Variants in TSPO observed in about 807,000 individuals in gnomAD.
TSPO encodes the protein translocator protein, also known as benzodiazepine peripheral binding site.
TSPO carries 14 observed loss-of-function variants against 13.9 expected under a neutral mutation model. That is an observed-to-expected ratio of 1.01 (90% CI 0.67 to 1.58). The LOEUF (loss-of-function observed/expected upper bound fraction) is 1.58. Ranked by LOEUF, TSPO falls within the 40% of genes most tolerant of loss-of-function variation. The pLI is 0.00. For synonymous variants in TSPO, 114 were observed against 105.9 expected (o/e 1.08, Z -0.47); for missense variants, 232 against 229.6 (o/e 1.01, Z -0.07).
chr22:43,156,924 C>A (rs2147053304), intron 1 of TSPO, among the ~76,000 whole-genome samples: 1 of 152,270 alleles, frequency 6.6e-6, no homozygotes, highest in East Asian at 1.9e-4. Context: ...CGTACAGGCA[C>A]CCTGGTCCGG....
chr22:43,163,022 C>A lies in TSPO; in HGVS notation c.*31C>A, dbSNP rs756525698. The A allele has an allele frequency of 1.3e-6, 2 of 1,574,822 alleles. No homozygotes were observed. Among genetic ancestry groups the A allele is most frequent in the East Asian group, 4.7e-5 (2 of 42,648 alleles). ...CGGCCCACCAGGGACTGCAGCTGCA[C>A]CAGCAGGTGCCATCACGCTTGTGAT... On this transcript the variant is annotated 3_prime_UTR_variant, in exon 4 of 4. Coordinates refer to ENST00000337554, the MANE Select transcript of TSPO (RefSeq NM_000714.6).
chr22:43,155,171 C>T (rs1171506270), intron 1 of TSPO, among the ~76,000 whole-genome samples: 1 of 152,298 alleles, frequency 6.6e-6, no homozygotes, highest in Non-Finnish European at 1.5e-5. Flanking sequence ...TGTGACTTCT[C>T]ATGTCTCAGT....
At chr22:43,156,271 T>C (rs531236765) in intron 1 of TSPO, among the ~76,000 whole-genome samples, 1 of 152,258 alleles carries the variant, frequency 6.6e-6, no homozygotes, top group East Asian at 1.9e-4. Flanking sequence ...TGGATGGTGG[T>C]CTCTAAGGCC....
At chr22:43,161,233 C>A in intron 3 of TSPO, 43 bp downstream of exon 3, 1 of 1,583,980 alleles carries the variant, frequency 6.3e-7, no homozygotes, top group South Asian at 1.1e-5. Context: ...CTGGATCCGA[C>A]CCTTGGAGGA....
rs1244609513 is a variant in TSPO at position 43,153,416 on chromosome 22, A to G, written c.-30+1812A>G. ...CCGGACTGCGGACTGCAGTGGCGCA[A>G]TCTCGGCTCACTGCAAGCTCCGCTT... On this transcript the variant is annotated intron_variant, in intron 1 of 3. Coordinates refer to ENST00000337554, the MANE Select transcript of TSPO (RefSeq NM_000714.6). 5.6e-5 allele frequency among the ~76,000 whole-genome samples: 4 copies of G among 72,004 alleles called. 2 individuals carry two copies. The highest frequency in any genetic ancestry group is 3.0e-4 in the Admixed American group (2 of 6,772). 47.2% of individuals were successfully genotyped at this position (72,004 alleles called of 152,430 possible). A position where few individuals can be genotyped will look rare whatever the true frequency, so the allele number is the denominator to read the frequency against.
At chr22:43,159,019 G>GGGGC (rs548186143) in intron 1 of TSPO, among the ~76,000 whole-genome samples, 191 bp from the exon 2 acceptor site, 2,371 of 152,210 alleles carry the variant, frequency 0.016, 57 homozygotes, top group African/African-American at 0.049. Context: ...AAGGTGAGGC[G>GGGGC]AGGCAGCTGG....
At chr22:43,162,693 TGA>T (rs9333340) in intron 3 of TSPO, 108 bp from the exon 4 acceptor site, 12,895 of 1,116,056 alleles carry the variant, frequency 0.012, 355 homozygotes, top group African/African-American at 0.082. Flanking sequence ...GGAGTGGGGG[TGA>T]GTGAGGCTCC....
At chr22:43,152,368 T>C (rs1158393092) in intron 1 of TSPO, 1 of 152,462 alleles carries the variant, frequency 6.6e-6, no homozygotes, top group Non-Finnish European at 1.5e-5. Context: ...CTGGGCTGGA[T>C]GGCAGGAGAG....
chr22:43,152,258 C>G (rs1175380291), intron 1 of TSPO: 1 of 152,386 alleles, frequency 6.6e-6, no homozygotes, highest in East Asian at 1.9e-4. Context: ...GAACGCGCTG[C>G]TGGCCAGGGC....
intron 1 of TSPO, among the ~76,000 whole-genome samples, chr22:43,154,732 T>C (rs779332955): frequency 3.8e-4 from 58 of 151,972 alleles, no homozygotes; most frequent in Middle Eastern, 3.4e-3. Context: ...CACCACCTCA[T>C]AGATGGGGAC....
intron 1 of TSPO, among the ~76,000 whole-genome samples, chr22:43,155,402 G>A (rs5759198): frequency 0.13 from 19,388 of 152,206 alleles, 1,527 homozygotes; most frequent in East Asian, 0.29. Flanking sequence ...CTGCCTCTAC[G>A]TCCTGCGCCC....
intron 1 of TSPO, 56 bp from the exon 2 acceptor site, chr22:43,159,154 G>C (rs568868318): frequency 7.5e-7 from 1 of 1,326,056 alleles, no homozygotes; most frequent in Non-Finnish European, 9.9e-7. Flanking sequence ...GAGGAGACAC[G>C]GGCCTGACCC....
At chr22:43,154,249 GAC>G (rs1931182494) in intron 1 of TSPO, among the ~76,000 whole-genome samples, 1 of 152,146 alleles carries the variant, frequency 6.6e-6, no homozygotes, top group African/African-American at 2.4e-5. Flanking sequence ...TCGTTGGAGA[GAC>G]AAGGCTCAGG....
At chr22:43,160,117 G>C (rs7287485) in intron 2 of TSPO, among the ~76,000 whole-genome samples, 1 of 152,158 alleles carries the variant, frequency 6.6e-6, no homozygotes, top group Admixed American at 6.5e-5. Flanking sequence ...CCAGGTGCCC[G>C]GCTCTGATGG....
chr22:43,158,574 G>A (rs774247005), intron 1 of TSPO, among the ~76,000 whole-genome samples: 24 of 152,174 alleles, frequency 1.6e-4, no homozygotes, highest in South Asian at 8.3e-4. Flanking sequence ...CTCTGTCTCC[G>A]GTGCATGGGG....
intron 1 of TSPO, among the ~76,000 whole-genome samples, chr22:43,157,766 G>A (rs1490946247): frequency 6.6e-6 from 1 of 152,222 alleles, no homozygotes; most frequent in Admixed American, 6.5e-5. Flanking sequence ...GAACCTGGGA[G>A]GCAGAGGTTA....
chr22:43,156,999 A>G (rs879035769), intron 1 of TSPO, among the ~76,000 whole-genome samples: 2 of 152,066 alleles, frequency 1.3e-5, no homozygotes, highest in Admixed American at 1.3e-4. Flanking sequence ...TCAGCTGTGG[A>G]CTCACGCAGG....
intron 2 of TSPO, among the ~76,000 whole-genome samples, chr22:43,159,891 C>G (rs1027536255): frequency 6.6e-6 from 1 of 152,166 alleles, no homozygotes; most frequent in African/African-American, 2.4e-5. Context: ...TCAGTCTGGC[C>G]TGAGTCCCCT....
chr22:43,161,436 C>T (rs1931435606), intron 3 of TSPO, among the ~76,000 whole-genome samples: 2 of 152,242 alleles, frequency 1.3e-5, no homozygotes, highest in South Asian at 4.1e-4. Context: ...GGAAAACCCA[C>T]ACGAAGCCTG....
Sources: allele counts gnomAD v4.1 joint callset (sites outside exome capture counted in the v4.1 genomes callset), GRCh38; gene constraint gnomAD v4.1.1; transcripts MANE v1.5; gene names NCBI Gene and HGNC (gene_info 2026-07-23, HGNC 2026-07-21).